Variants in ZNF385B observed in about 807,000 individuals in gnomAD.
ZNF385B encodes the protein zinc finger protein 385B.
In ZNF385B, 23 loss-of-function variants were observed where a neutral mutation model predicts 39.2. The observed-to-expected ratio is 0.59, with a 90% CI of 0.42 to 0.83. The LOEUF (loss-of-function observed/expected upper bound fraction) is 0.83, where lower values mean the gene tolerates loss of function less well. Ranked by LOEUF, ZNF385B falls within the 40% of genes least tolerant of loss-of-function variation. The probability of loss-of-function intolerance (pLI) is 0.00; values close to 1 mark genes in which losing one functional copy is unlikely to be tolerated. For synonymous variants in ZNF385B, 205 were observed against 222.6 expected, an observed-to-expected ratio of 0.92 and a Z score of 0.70; for missense variants, 552 against 598.9, an observed-to-expected ratio of 0.92 and a Z score of 0.82.
intron 1 of ZNF385B, among the ~76,000 whole-genome samples, chr2:179,831,133 T>G (rs948560460): frequency 6.6e-6 from 1 of 152,190 alleles, no homozygotes; most frequent in Non-Finnish European, 1.5e-5. Flanking sequence ...AATCTTGAAC[T>G]AAAAATGCCT....
At chr2:179,493,710 C>CACAT (rs2055687580) in intron 5 of ZNF385B, among the ~76,000 whole-genome samples, 1 of 51,674 alleles carries the variant, frequency 1.9e-5, no homozygotes, top group Non-Finnish European at 4.6e-5. Context: ...TATGTATACA[C>CACAT]ATATGCATAT....
chr2:179,633,654 G>C (rs1183203130), intron 3 of ZNF385B, among the ~76,000 whole-genome samples: 2 of 152,176 alleles, frequency 1.3e-5, no homozygotes, highest in Non-Finnish European at 2.9e-5. Flanking sequence ...AGACAAGGAT[G>C]CCCCCTCTCA....
intron 4 of ZNF385B, among the ~76,000 whole-genome samples, chr2:179,534,447 T>C: frequency 6.6e-6 from 1 of 152,170 alleles, no homozygotes; most frequent in South Asian, 2.1e-4. Flanking sequence ...TGGGGATATG[T>C]TATATACTTA....
chr2:179,571,110 AT>A (rs1685162558), intron 3 of ZNF385B, among the ~76,000 whole-genome samples: 1 of 152,198 alleles, frequency 6.6e-6, no homozygotes, highest in Non-Finnish European at 1.5e-5. Context: ...TTCATTAACA[AT>A]TTAAACACTG....
chr2:179,621,005 T>C (rs1282387002), intron 3 of ZNF385B, among the ~76,000 whole-genome samples: 1 of 152,170 alleles, frequency 6.6e-6, no homozygotes, highest in African/African-American at 2.4e-5. Flanking sequence ...ATAGTTAGTG[T>C]GTTTGCTGAA....
At chr2:179,663,962 T>C (rs1237995220) in intron 3 of ZNF385B, among the ~76,000 whole-genome samples, 1 of 152,034 alleles carries the variant, frequency 6.6e-6, no homozygotes, top group African/African-American at 2.4e-5. Context: ...TCCAGAGAAT[T>C]GAGGCAGCAG....
At chr2:179,697,859 C>T (rs1037081827) in intron 3 of ZNF385B, among the ~76,000 whole-genome samples, 1 of 151,990 alleles carries the variant, frequency 6.6e-6, no homozygotes, top group Non-Finnish European at 1.5e-5. Context: ...TACTATGCAG[C>T]CATAAAAAAG....
At chr2:179,566,734 C>T (rs35279307) in intron 3 of ZNF385B, among the ~76,000 whole-genome samples, 10,058 of 152,094 alleles carry the variant, frequency 0.066, 432 homozygotes, top group Middle Eastern at 0.19. Context: ...GATGTCTTCA[C>T]TTTGAATTAA....
At chr2:179,689,999 C>G (rs151224931) in intron 3 of ZNF385B, among the ~76,000 whole-genome samples, 3 of 152,148 alleles carry the variant, frequency 2.0e-5, no homozygotes, top group Non-Finnish European at 2.9e-5. Context: ...TTGATTCCAG[C>G]ATTGCTAGTC....
At chr2:179,683,501 G>A (rs907210642) in intron 3 of ZNF385B, among the ~76,000 whole-genome samples, 31 of 148,840 alleles carry the variant, frequency 2.1e-4, no homozygotes, top group Admixed American at 1.1e-3. Flanking sequence ...TTTAGATGGC[G>A]TTTATCTCTT....
chr2:179,568,998 C>T (rs1684909374), intron 3 of ZNF385B, among the ~76,000 whole-genome samples: 1 of 152,168 alleles, frequency 6.6e-6, no homozygotes, highest in Non-Finnish European at 1.5e-5. Context: ...ACTTACATAA[C>T]ATTTATTATG....
intron 1 of ZNF385B, among the ~76,000 whole-genome samples, chr2:179,826,587 G>T (rs1431508889): frequency 6.6e-6 from 1 of 152,018 alleles, no homozygotes; most frequent in Non-Finnish European, 1.5e-5. Flanking sequence ...CTTAAAGCAG[G>T]GGGTCAGCAG....
At chr2:179,547,931 T>A (rs1289187127) in intron 3 of ZNF385B, among the ~76,000 whole-genome samples, 2 of 149,694 alleles carry the variant, frequency 1.3e-5, no homozygotes, top group East Asian at 3.8e-4. Context: ...ATTGTAGAGA[T>A]TTTTTACTTC....
chr2:179,704,469 TAG>T (rs1052964063), intron 3 of ZNF385B, among the ~76,000 whole-genome samples: 4 of 152,150 alleles, frequency 2.6e-5, no homozygotes, highest in African/African-American at 9.7e-5. Flanking sequence ...AAGAAAAAAA[TAG>T]ACTTTTCATT....
intron 3 of ZNF385B, among the ~76,000 whole-genome samples, chr2:179,554,253 C>A (rs2060765995): frequency 6.7e-6 from 1 of 148,934 alleles, no homozygotes; most frequent in Non-Finnish European, 1.5e-5. Flanking sequence ...CGGCAGGGGT[C>A]ATGTGTTATC....
At chr2:179,492,939 C>A (rs2055405036) in intron 5 of ZNF385B, among the ~76,000 whole-genome samples, 1 of 152,070 alleles carries the variant, frequency 6.6e-6, no homozygotes, top group Non-Finnish European at 1.5e-5. Context: ...AGTTTTCATT[C>A]AAAATTAATT....
At chr2:179,762,698 T>C (rs975237734) in intron 3 of ZNF385B, among the ~76,000 whole-genome samples, 2 of 152,240 alleles carry the variant, frequency 1.3e-5, no homozygotes, top group Non-Finnish European at 2.9e-5. Flanking sequence ...AGGATAATAC[T>C]AGCCTCATAA....
At chr2:179,620,910 T>A (rs911010855) in intron 3 of ZNF385B, among the ~76,000 whole-genome samples, 2 of 152,196 alleles carry the variant, frequency 1.3e-5, no homozygotes, top group Non-Finnish European at 2.9e-5. Context: ...TGTATACATG[T>A]CTGGTGTTTT....
At chr2:179,782,396 T>C (rs1026460217) in intron 1 of ZNF385B, among the ~76,000 whole-genome samples, 4 of 152,168 alleles carry the variant, frequency 2.6e-5, no homozygotes, top group African/African-American at 9.6e-5. Flanking sequence ...GGGCAAAAGC[T>C]GGAAGCATTC....
Sources: allele counts gnomAD v4.1 joint callset (sites outside exome capture counted in the v4.1 genomes callset), GRCh38; gene constraint gnomAD v4.1.1; transcripts MANE v1.5; gene names NCBI Gene and HGNC (gene_info 2026-07-23, HGNC 2026-07-21).